ZNF468: variants seen among roughly 807,000 people sequenced by gnomAD.
The protein encoded by ZNF468 is zinc finger protein 468, also known as zinc finger protein ZNF468.
ZNF468 carries 8 observed loss-of-function variants against 7.2 expected under a neutral mutation model. The ratio of observed to expected loss-of-function variants is 1.11; its 90% CI spans 0.65 to 2.01. The LOEUF (loss-of-function observed/expected upper bound fraction) is 2.01, where lower values mean the gene tolerates loss of function less well. ZNF468 is among the 30% of genes most tolerant of loss of function. The probability of loss-of-function intolerance (pLI) is 0.00; values close to 1 mark genes in which losing one functional copy is unlikely to be tolerated. For synonymous variants in ZNF468, 218 were observed against 214.4 expected, an observed-to-expected ratio of 1.02 and a Z score of -0.15; for missense variants, 608 against 626.5, an observed-to-expected ratio of 0.97 and a Z score of 0.31.
chr19:52,852,087 C>T (rs1270293494), intron 2 of ZNF468, among the ~76,000 whole-genome samples: 3 of 152,016 alleles, frequency 2.0e-5, no homozygotes, highest in Admixed American at 6.6e-5. Context: ...CTATCGGGCC[C>T]GGGCACAGTG....
chr19:52,848,886 C>A (rs2063361058), intron 3 of ZNF468, among the ~76,000 whole-genome samples: 6 of 152,110 alleles, frequency 3.9e-5, no homozygotes, highest in Admixed American at 3.9e-4. Context: ...ACTTCTGGAA[C>A]CCCCACTGAG....
Position 52,845,481 on chromosome 19 carries a change from A to G in ZNF468, c.143-3330T>C, listed in dbSNP as rs185523876. ...ACCATCCTGGCAAACCAACATGGTGAAACCCCATCTCTACTAAAAATACAA... is the reference window on the plus strand; with the variant it reads ...ACCATCCTGGCAAACCAACATGGTGGAACCCCATCTCTACTAAAAATACAA... On this transcript the variant is annotated intron_variant, in intron 3 of 3. Coordinates refer to ENST00000595646, the MANE Select transcript of ZNF468 (RefSeq NM_001008801.2). 3.0e-3 allele frequency among the ~76,000 whole-genome samples: 449 copies of G among 152,050 alleles called. 4 individuals carry two copies. The highest frequency in any genetic ancestry group is 0.01 in the African/African-American group (430 of 41,454).
intron 3 of ZNF468, among the ~76,000 whole-genome samples, chr19:52,842,814 CAAAAAAAAAAAAAA>C (rs60067060): frequency 5.7e-5 from 3 of 52,928 alleles, no homozygotes; most frequent in African/African-American, 8.6e-5. Context: ...GACTCCATCT[CAAAAAAAAAAAAAA>C]AAAAAAAAAA....
rs1284568200 is a variant in ZNF468 at position 52,841,817 on chromosome 19, T to C, written c.477A>G (p.Lys159=). 2 of 1,613,978 alleles carry C rather than the reference T, an allele frequency of 1.2e-6. No individual in the cohort carries two copies. Among genetic ancestry groups the C allele is most frequent in the African/African-American group, 1.3e-5 (1 of 74,894 alleles). The part of the protein sequence containing the change: ...PEPHIFQSEG[K]IGNQVEKSIN... ...TAGACTTCTCAACTTGATTACCAATTTTCCCTTCAGACTGAAATATGTGCG... is the reference window on the plus strand; with the variant it reads ...TAGACTTCTCAACTTGATTACCAATCTTCCCTTCAGACTGAAATATGTGCG... The change falls in exon 4 of 4, where the codon AAA becomes AAG. Residue 159 remains lysine, a synonymous_variant. Transcript: ENST00000595646.
intron 1 of ZNF468, among the ~76,000 whole-genome samples, chr19:52,855,850 C>T (rs1411953244): frequency 2.0e-5 from 3 of 152,254 alleles, no homozygotes; most frequent in African/African-American, 7.2e-5. Flanking sequence ...TGGTCTAGCC[C>T]TTCGTCGCAA....
rs1568670726 is a variant in ZNF468 at position 52,838,188 on chromosome 19, G to A, written c.*2537C>T. On this transcript the variant is annotated 3_prime_UTR_variant, in exon 4 of 4. Transcript: ENST00000595646. ...AGTGCCACTTATTTCTGGGATGCAA[G>A]GATGGTTCAACATAGTCAAGCAAAT... 1 of 152,106 alleles carries A rather than the reference G, an allele frequency of 6.6e-6. No individual in the cohort carries two copies. The highest frequency in any genetic ancestry group is 2.4e-5 in the African/African-American group (1 of 41,416). The allele number at this position is 152,106 out of a possible 1,614,324, so 9.4% of individuals were successfully genotyped here.
At position 52,840,739 on chromosome 19, in the gene ZNF468, C is replaced by T; in HGVS notation, c.1555G>A (p.Gly519Arg). The change falls in exon 4 of 4, where the codon GGA becomes AGA. Residue 519 changes from glycine (G) to arginine (R), a missense_variant. Gly to Arg is a moderately radical substitution (Grantham distance 125, BLOSUM62 -2). Transcript: ENST00000595646. ...SLVYHHRLHS[G>R]EKP ...TCATTACACTATTAAGGCTTCTCTC[C>T]ACTATGAAGCCTATGATGGTATACA... 1 of 1,614,002 alleles carries T rather than the reference C, an allele frequency of 6.2e-7. No homozygotes were observed. Among genetic ancestry groups the T allele is most frequent in the Non-Finnish European group, 8.5e-7 (1 of 1,179,968 alleles).
intron 2 of ZNF468, among the ~76,000 whole-genome samples, chr19:52,852,289 C>G (rs763341548): frequency 4.0e-5 from 6 of 151,740 alleles, no homozygotes; most frequent in African/African-American, 7.3e-5. Context: ...TCACTTGAAC[C>G]CAGGAGGCAG....
At chr19:52,850,857 C>T (rs1288558155) in intron 2 of ZNF468, among the ~76,000 whole-genome samples, 1 of 151,646 alleles carries the variant, frequency 6.6e-6, no homozygotes, top group East Asian at 1.9e-4. Flanking sequence ...CGAGATCGCG[C>T]CACTGCACTC....
intron 1 of ZNF468, among the ~76,000 whole-genome samples, chr19:52,856,666 C>A (rs547280828): frequency 2.9e-4 from 42 of 145,448 alleles, no homozygotes; most frequent in African/African-American, 9.5e-4. Flanking sequence ...CTCTGATGAG[C>A]CTCCACATTT....
In ZNF468 at chr19:52,839,572, C is replaced by T. The variant is rs1394731713; in HGVS notation, c.*1153G>A. On this transcript the variant is annotated 3_prime_UTR_variant, in exon 4 of 4. Transcript: ENST00000595646. ...CCAAAAGGAATTGTCTGATGGTCTG[C>T]AAGGAGTGACCTTGGACTGAAGACC... 1.9e-6 allele frequency: 1 copy of T among 531,644 alleles called. No homozygotes were observed. The highest frequency in any genetic ancestry group is 1.9e-5 in the African/African-American group (1 of 51,688). 32.9% of individuals were successfully genotyped at this position (531,644 alleles called of 1,614,324 possible). A position where few individuals can be genotyped will look rare whatever the true frequency, so the allele number is the denominator to read the frequency against.
At chr19:52,850,663 G>A (rs2147739892) in intron 2 of ZNF468, among the ~76,000 whole-genome samples, 1 of 152,210 alleles carries the variant, frequency 6.6e-6, no homozygotes, top group South Asian at 2.1e-4. Flanking sequence ...ACTTTGGGAG[G>A]CCGAGGTGGG....
Position 52,849,356 on chromosome 19 carries a change from T to G in ZNF468, c.16-143A>C, listed in dbSNP as rs545633448. On this transcript the variant is annotated intron_variant, in intron 2 of 3. Transcript: ENST00000595646. ...TCCAAATAAGGGATTTCTCACTACA[T>G]GATGTCTCCCCAGATGTATTTTATT... 46 of 1,487,280 alleles carry G rather than the reference T, an allele frequency of 3.1e-5. 3 individuals carry two copies. The South Asian group carries it at 5.7e-4, about 19-fold the overall frequency. 92.1% of individuals were successfully genotyped at this position (1,487,280 alleles called of 1,614,324 possible). A position where few individuals can be genotyped will look rare whatever the true frequency, so the allele number is the denominator to read the frequency against.
At chr19:52,856,665 G>A (rs1378796794) in intron 1 of ZNF468, among the ~76,000 whole-genome samples, 1 of 144,288 alleles carries the variant, frequency 6.9e-6, no homozygotes, top group African/African-American at 2.5e-5. Flanking sequence ...ACTCTGATGA[G>A]CCTCCACATT....
chr19:52,852,712 T>C (rs977159140), intron 2 of ZNF468, among the ~76,000 whole-genome samples: 2 of 151,818 alleles, frequency 1.3e-5, no homozygotes, highest in African/African-American at 4.8e-5. Context: ...CAAAAATAAC[T>C]ATTGGGTACT....
At chr19:52,855,393 A>G (rs533950913) in intron 1 of ZNF468, among the ~76,000 whole-genome samples, 1 of 152,308 alleles carries the variant, frequency 6.6e-6, no homozygotes, top group African/African-American at 2.4e-5. Flanking sequence ...GACAGGAAGG[A>G]TTTTGATGTT....
At chr19:52,849,630 T>G (rs565168248) in intron 2 of ZNF468, 2 of 165,016 alleles carry the variant, frequency 1.2e-5, no homozygotes, top group Non-Finnish European at 1.2e-5. Context: ...ATCCCAGCTA[T>G]GCAGGAAGCT....
In ZNF468 at chr19:52,840,214, A is replaced by C; in HGVS notation, c.*511T>G. The stretch of plus-strand genomic sequence containing the variant: ...CATTGTTCACGTTTGTAAGATTTCT[A>C]TGCAGTATGAAGTCTATGATGACTT... On this transcript the variant is annotated 3_prime_UTR_variant, in exon 4 of 4. Transcript: ENST00000595646. 2.6e-6 allele frequency: 1 copy of C among 385,140 alleles called. No homozygotes were observed. Among genetic ancestry groups the C allele is most frequent in the South Asian group, 2.2e-5 (1 of 45,138 alleles). The allele number at this position is 385,140 out of a possible 1,614,324, so 23.9% of individuals were successfully genotyped here.
intron 3 of ZNF468, among the ~76,000 whole-genome samples, chr19:52,842,998 G>A (rs923105514): frequency 1.3e-5 from 2 of 151,150 alleles, no homozygotes; most frequent in African/African-American, 2.4e-5. Flanking sequence ...ACAGGCACCT[G>A]TAATCCCAGC....
Sources: allele counts gnomAD v4.1 joint callset (sites outside exome capture counted in the v4.1 genomes callset), GRCh38; gene constraint gnomAD v4.1.1; transcripts MANE v1.5; gene names NCBI Gene and HGNC (gene_info 2026-07-23, HGNC 2026-07-21).